Variants in ATP9B observed in about 807,000 individuals in gnomAD.
ATP9B encodes ATPase phospholipid transporting 9B, also known as probable phospholipid-transporting ATPase IIB.
Under a neutral mutation model 146.1 loss-of-function variants are expected in ATP9B, and 110 were observed. That is an observed-to-expected ratio of 0.75 (90% confidence interval 0.65 to 0.88). The LOEUF (loss-of-function observed/expected upper bound fraction) is 0.88, where lower values mean the gene tolerates loss of function less well. ATP9B is among the 40% of genes least tolerant of loss of function. The pLI is 0.00. For synonymous variants in ATP9B, 604 were observed against 569.7 expected, an observed-to-expected ratio of 1.06 and a Z score of -0.86; for missense variants, 1,499 against 1,496.4, an observed-to-expected ratio of 1.00 and a Z score of -0.03.
chr18:79,327,698 AGTGTGCTCTCTCC>A (rs2096762374), intron 15 of ATP9B, among the ~76,000 whole-genome samples: 7 of 128,852 alleles, frequency 5.4e-5, no homozygotes, highest in Non-Finnish European at 6.4e-5. Context: ...CTCCGTGGTT[AGTGTGCTCTCTCC>A]ATGGTTAGCG....
At chr18:79,140,469 A>G (rs1176790821) in intron 5 of ATP9B, among the ~76,000 whole-genome samples, 1 of 152,074 alleles carries the variant, frequency 6.6e-6, no homozygotes, top group Non-Finnish European at 1.5e-5. Flanking sequence ...TTTAAGAAGC[A>G]TTGGTATAAG....
At chr18:79,263,581 G>C (rs2096168118) in intron 12 of ATP9B, among the ~76,000 whole-genome samples, 1 of 152,118 alleles carries the variant, frequency 6.6e-6, no homozygotes, top group African/African-American at 2.4e-5. Flanking sequence ...TATTCCTTTT[G>C]TTTTACATGG....
chr18:79,174,528 G>A (rs116548836), intron 7 of ATP9B, among the ~76,000 whole-genome samples: 6 of 152,248 alleles, frequency 3.9e-5, no homozygotes, highest in South Asian at 2.1e-4. Flanking sequence ...CTTCTCTTGC[G>A]CTTGGTACAG....
At chr18:79,227,289 G>C (rs1338589612) in intron 11 of ATP9B, among the ~76,000 whole-genome samples, 1 of 151,930 alleles carries the variant, frequency 6.6e-6, no homozygotes, top group African/African-American at 2.4e-5. Flanking sequence ...ATGCTGTTTA[G>C]AAGTCAGGTT....
In ATP9B at chr18:79,096,110, G is replaced by A. The variant is rs115112881; in HGVS notation, c.120-366G>A. Among the ~76,000 whole-genome samples, 893 of 152,298 alleles carry A rather than the reference G, an allele frequency of 5.9e-3. 5 individuals are homozygous for A. Among genetic ancestry groups the A allele is most frequent in the African/African-American group, 0.021 (863 of 41,572 alleles). On this transcript the variant is annotated intron_variant, in intron 1 of 29. Transcript: ENST00000426216. Reference sequence around the variant, plus strand: ...AGAGTGTTTAGATGTTGCTTGGAGTGAACATTCTTTGCTATAGTCATGTTT... The same window carrying A: ...AGAGTGTTTAGATGTTGCTTGGAGTAAACATTCTTTGCTATAGTCATGTTT...
At chr18:79,099,501 G>A (rs114933853) in intron 2 of ATP9B, among the ~76,000 whole-genome samples, 4 of 152,120 alleles carry the variant, frequency 2.6e-5, no homozygotes, top group East Asian at 3.9e-4. Context: ...AATTACAGGC[G>A]TGAGCCACCG....
intron 15 of ATP9B, among the ~76,000 whole-genome samples, chr18:79,326,731 G>T (rs1295342027): frequency 6.6e-6 from 1 of 152,192 alleles, no homozygotes; most frequent in Non-Finnish European, 1.5e-5. Context: ...GTATTCTGTG[G>T]TCAGACGTGT....
chr18:79,175,360 A>G (rs1448138263), intron 7 of ATP9B, among the ~76,000 whole-genome samples: 1 of 152,186 alleles, frequency 6.6e-6, no homozygotes, highest in East Asian at 1.9e-4. Flanking sequence ...TTTTAATTAT[A>G]TAAAATGTAT....
chr18:79,202,845 T>C (rs535838233), intron 9 of ATP9B, among the ~76,000 whole-genome samples: 15 of 152,330 alleles, frequency 9.8e-5, no homozygotes, highest in South Asian at 8.3e-4. Context: ...CATAGAAAAG[T>C]AACAGGAAAC....
At chr18:79,085,487 T>G (rs2073738017) in intron 1 of ATP9B, 1 of 152,242 alleles carries the variant, frequency 6.6e-6, no homozygotes, top group Admixed American at 6.5e-5. Context: ...TAGTAGCTCA[T>G]AGTTCACTGG....
At chr18:79,335,878 C>T (rs574054391) in intron 17 of ATP9B, among the ~76,000 whole-genome samples, 2 of 152,214 alleles carry the variant, frequency 1.3e-5, no homozygotes. Flanking sequence ...CCCAAAAACA[C>T]AAAGTCTGTG....
intron 12 of ATP9B, among the ~76,000 whole-genome samples, chr18:79,276,186 G>C (rs567693859): frequency 4.5e-4 from 69 of 152,316 alleles, no homozygotes; most frequent in African/African-American, 1.6e-3. Context: ...AGCAGAGCCT[G>C]CCTCCTAAAG....
intron 8 of ATP9B, among the ~76,000 whole-genome samples, chr18:79,182,918 G>A (rs2095266806): frequency 6.6e-6 from 1 of 152,206 alleles, no homozygotes; most frequent in Non-Finnish European, 1.5e-5. Context: ...TAAAAAAGAA[G>A]TGGATGTCAA....
intron 11 of ATP9B, among the ~76,000 whole-genome samples, chr18:79,247,646 G>A (rs570267249): frequency 5.3e-5 from 8 of 152,210 alleles, no homozygotes; most frequent in African/African-American, 1.9e-4. Context: ...AGGTGTGAGG[G>A]TTTACTTTGA....
chr18:79,339,666 T>G (rs892062435), intron 19 of ATP9B, among the ~76,000 whole-genome samples: 1 of 150,258 alleles, frequency 6.7e-6, no homozygotes, highest in African/African-American at 2.5e-5. Flanking sequence ...GAGATCGTAG[T>G]AGGAAGTGTG....
chr18:79,336,594 G>GA (rs2096828456), intron 17 of ATP9B, 34 bp from the exon 18 acceptor site: 1 of 1,604,478 alleles, frequency 6.2e-7, no homozygotes. Flanking sequence ...GGGCTCTGCA[G>GA]GGCCCACCTG....
At chr18:79,073,636 G>A (rs2072244019) in intron 1 of ATP9B, among the ~76,000 whole-genome samples, 1 of 152,056 alleles carries the variant, frequency 6.6e-6, no homozygotes, top group Non-Finnish European at 1.5e-5. Context: ...GGAGACGAGG[G>A]AGGGGGGAGA....
intron 12 of ATP9B, among the ~76,000 whole-genome samples, chr18:79,269,214 G>A (rs1421002137): frequency 2.6e-5 from 4 of 152,218 alleles, no homozygotes; most frequent in African/African-American, 4.8e-5. Flanking sequence ...GTCCCCACGC[G>A]GGACATGAGG....
intron 25 of ATP9B, chr18:79,353,220 T>C (rs1220181986): frequency 6.6e-6 from 1 of 152,172 alleles, no homozygotes; most frequent in Admixed American, 6.5e-5. Context: ...TTTATGAAAT[T>C]AAAAATTTGC....
Sources: gnomAD v4.1 joint callset for allele counts (sites outside exome capture counted in the v4.1 genomes callset) on GRCh38, gnomAD v4.1.1 for gene constraint, MANE v1.5 for transcripts, NCBI Gene and HGNC (gene_info 2026-07-23, HGNC 2026-07-21) for gene names.